The following PRKG1 variants were observed in gnomAD, a reference collection of about 807,000 sequenced individuals.
PRKG1 encodes protein kinase cGMP-dependent 1.
In PRKG1, 35 loss-of-function variants were observed where a neutral mutation model predicts 88.1. That is an observed-to-expected ratio of 0.40 (90% confidence interval 0.30 to 0.53). The LOEUF (loss-of-function observed/expected upper bound fraction) is 0.53. Ranked by LOEUF, PRKG1 falls within the 20% of genes least tolerant of loss-of-function variation. The probability of loss-of-function intolerance (pLI) is 0.59; values close to 1 mark genes in which losing one functional copy is unlikely to be tolerated. For missense variants in PRKG1, 540 were observed against 839.8 expected (o/e 0.64, Z 4.41); for synonymous variants, 303 against 292.5 (o/e 1.04, Z -0.37).
chr10:52,142,766 C>T (rs1168522981), intron 8 of PRKG1, among the ~76,000 whole-genome samples: 1 of 152,114 alleles, frequency 6.6e-6, no homozygotes, highest in Non-Finnish European at 1.5e-5. Context: ...CCTCACATCC[C>T]ATAACAGCTT....
intron 5 of PRKG1, among the ~76,000 whole-genome samples, chr10:52,003,905 C>T (rs1390373993): frequency 6.6e-6 from 1 of 152,164 alleles, no homozygotes; most frequent in Non-Finnish European, 1.5e-5. Flanking sequence ...AGCTCAGCTC[C>T]TTAATCTAGT....
chr10:51,222,272 C>G lies in PRKG1; in HGVS notation c.478+68942C>G, dbSNP rs567345818. Among the ~76,000 whole-genome samples the G allele has an allele frequency of 4.6e-5, 7 of 152,220 alleles. No individual in the cohort carries two copies. The South Asian group carries it at 1.5e-3, about 32-fold the overall frequency. ...CCACCTTCACTTGTCTACTCTAAGACCAAAGTTACTTCAAAATAAGGGTTT... is the reference window on the plus strand; with the variant it reads ...CCACCTTCACTTGTCTACTCTAAGAGCAAAGTTACTTCAAAATAAGGGTTT... On this transcript the variant is annotated intron_variant, in intron 2 of 17. Transcript: ENST00000373980.
intron 3 of PRKG1, among the ~76,000 whole-genome samples, chr10:51,786,244 C>G (rs1299490062): frequency 2.0e-5 from 3 of 152,066 alleles, no homozygotes; most frequent in African/African-American, 7.2e-5. Context: ...GTAGAGCAAT[C>G]TAGGCTGGTG....
Position 51,945,351 on chromosome 10 carries a change from C to T in PRKG1, c.762+37781C>T, listed in dbSNP as rs1215262367. Among the ~76,000 whole-genome samples the T allele has an allele frequency of 4.0e-5, 6 of 151,610 alleles. No homozygotes were observed. In the South Asian group the frequency reaches 1.0e-3, roughly 27 times the overall value. On this transcript the variant is annotated intron_variant, in intron 5 of 17. Coordinates refer to ENST00000373980, the MANE Select transcript of PRKG1 (RefSeq NM_006258.4). ...TTTTATTTTGAGCCTATGTGTGTCT[C>T]TGCACGTGAGATGAGTTTCCTGAAT...
intron 5 of PRKG1, among the ~76,000 whole-genome samples, chr10:51,915,218 G>A (rs549405108): frequency 3.3e-5 from 5 of 152,326 alleles, no homozygotes; most frequent in African/African-American, 1.2e-4. Context: ...TTGGAGTACT[G>A]TGAAGCTCTC....
At chr10:51,240,717 G>A (rs978416484) in intron 2 of PRKG1, among the ~76,000 whole-genome samples, 5 of 152,160 alleles carry the variant, frequency 3.3e-5, no homozygotes, top group African/African-American at 9.7e-5. Context: ...ACCAAGAGGG[G>A]CCTCCTCTGT....
At chr10:52,196,271 C>T (rs1357515254) in intron 9 of PRKG1, among the ~76,000 whole-genome samples, 1 of 152,182 alleles carries the variant, frequency 6.6e-6, no homozygotes, top group Non-Finnish European at 1.5e-5. Flanking sequence ...CCTCCTCAGC[C>T]TCCCAAAGTC....
chr10:51,262,087 T>A (rs1334585409), intron 2 of PRKG1, among the ~76,000 whole-genome samples: 1 of 151,550 alleles, frequency 6.6e-6, no homozygotes, highest in African/African-American at 2.4e-5. Context: ...GGGGTTTCAC[T>A]GTGTTAGCCA....
At chr10:52,018,850 G>A (rs1845109680) in intron 5 of PRKG1, among the ~76,000 whole-genome samples, 1 of 152,134 alleles carries the variant, frequency 6.6e-6, no homozygotes, top group Non-Finnish European at 1.5e-5. Flanking sequence ...GACATTAGAG[G>A]GGAATTTGGT....
Position 52,065,748 on chromosome 10 carries a change from A to G in PRKG1, c.935+3117A>G, listed in dbSNP as rs76531995. Among the ~76,000 whole-genome samples the G allele has an allele frequency of 4.9e-3, 750 of 152,270 alleles. 7 individuals carry two copies. Among genetic ancestry groups the G allele is most frequent in the African/African-American group, 0.017 (709 of 41,550 alleles). On this transcript the variant is annotated intron_variant, in intron 7 of 17. Transcript: ENST00000373980. ...AGATATACAGAAGAGTGAAATAAAC[A>G]TTATCTTTCTAGTATAAATGTATCA...
At chr10:51,574,062 C>T (rs1255481649) in intron 3 of PRKG1, among the ~76,000 whole-genome samples, 1 of 151,934 alleles carries the variant, frequency 6.6e-6, no homozygotes, top group African/African-American at 2.4e-5. Flanking sequence ...TACTGTCGAT[C>T]AGTTCTGGCC....
At chr10:52,109,489 G>A (rs1005851638) in intron 7 of PRKG1, among the ~76,000 whole-genome samples, 1 of 152,110 alleles carries the variant, frequency 6.6e-6, no homozygotes, top group Non-Finnish European at 1.5e-5. Flanking sequence ...ATGTTTGGCT[G>A]GGCGTGGTGG....
intron 5 of PRKG1, 85 bp from the exon 6 acceptor site, chr10:52,054,399 C>A: frequency 2.1e-6 from 2 of 936,228 alleles, no homozygotes; most frequent in South Asian, 1.4e-5. Flanking sequence ...TGAATATATC[C>A]CTGGGGGTTG....
In PRKG1 at chr10:51,220,688, A is replaced by T. The variant is rs185692778; in HGVS notation, c.478+67358A>T. 9.9e-5 allele frequency among the ~76,000 whole-genome samples: 15 copies of T among 152,272 alleles called. No homozygotes were observed. The East Asian group carries it at 2.5e-3, about 25-fold the overall frequency. ...AAGTAGCTAACATTAAAAGGTAAGA[A>T]TACTTTTTCACTTATATCTATCTAA... is the stretch of plus-strand genomic sequence containing the variant. On this transcript the variant is annotated intron_variant, in intron 2 of 17. Coordinates refer to ENST00000373980, the MANE Select transcript of PRKG1 (RefSeq NM_006258.4).
intron 3 of PRKG1, among the ~76,000 whole-genome samples, chr10:51,499,603 A>G (rs74132519): frequency 0.018 from 2,765 of 152,258 alleles, 62 homozygotes; most frequent in African/African-American, 0.047. Flanking sequence ...AAGTAAGCAT[A>G]TGAGTACAAA....
chr10:51,984,600 A>C (rs542232560), intron 5 of PRKG1, among the ~76,000 whole-genome samples: 2 of 152,302 alleles, frequency 1.3e-5, no homozygotes, highest in African/African-American at 2.4e-5. Flanking sequence ...GCAACATTGC[A>C]AAGTGAACTT....
chr10:51,783,913 T>C (rs1038460785), intron 3 of PRKG1, among the ~76,000 whole-genome samples: 34 of 152,152 alleles, frequency 2.2e-4, no homozygotes, highest in African/African-American at 7.7e-4. Context: ...CAAGCCACAG[T>C]CCTAAAAATA....
chr10:51,620,999 GTA>G (rs1213092962), intron 3 of PRKG1, among the ~76,000 whole-genome samples: 3 of 43,982 alleles, frequency 6.8e-5, no homozygotes, highest in South Asian at 1.4e-3. Context: ...GTGTGTGTGT[GTA>G]TATGTGTGTA....
At chr10:51,272,310 G>A (rs867837010) in intron 2 of PRKG1, among the ~76,000 whole-genome samples, 19 of 150,690 alleles carry the variant, frequency 1.3e-4, no homozygotes, top group African/African-American at 3.0e-4. Context: ...TGAACAATGA[G>A]AACACGTGGA....
Sources: gnomAD v4.1 joint callset for allele counts (sites outside exome capture counted in the v4.1 genomes callset) on GRCh38, gnomAD v4.1.1 for gene constraint, MANE v1.5 for transcripts, NCBI Gene and HGNC (gene_info 2026-07-23, HGNC 2026-07-21) for gene names.